Variants in BCKDHB observed in about 807,000 individuals in gnomAD.
BCKDHB encodes 2-oxoisovalerate dehydrogenase subunit beta, mitochondrial.
A neutral mutation model predicts 48.5 loss-of-function variants in BCKDHB; 41 were observed. The observed-to-expected ratio is 0.85, with a 90% confidence interval of 0.66 to 1.10. BCKDHB has a LOEUF of 1.10. BCKDHB is among the 50% of genes least tolerant of loss of function. The probability of loss-of-function intolerance (pLI) is 0.00; values close to 1 mark genes in which losing one functional copy is unlikely to be tolerated. For missense variants in BCKDHB, 496 were observed against 494.2 expected (o/e 1.00, Z -0.03); for synonymous variants, 201 against 174.8 (o/e 1.15, Z -1.18).
At chr6:80,137,743 T>C (rs557680868) in intron 3 of BCKDHB, among the ~76,000 whole-genome samples, 1 of 152,050 alleles carries the variant, frequency 6.6e-6, no homozygotes, top group South Asian at 2.1e-4. Context: ...CTGCTAAACA[T>C]GCACAGGGCA....
intron 8 of BCKDHB, among the ~76,000 whole-genome samples, chr6:80,226,744 C>T (rs1362202477): frequency 6.6e-6 from 1 of 152,134 alleles, no homozygotes; most frequent in Non-Finnish European, 1.5e-5. Flanking sequence ...CTGCAGCAGG[C>T]GCCTGCCTTC....
In BCKDHB at chr6:80,127,105, C is replaced by T. The variant is rs550823448; in HGVS notation, c.197-442C>T. On this transcript the variant is annotated intron_variant, in intron 1 of 9. Transcript: ENST00000320393. Reference sequence around the variant, plus strand: ...TCCGGGTACCAAAGTTTATCTTTACCCTTCCTTATTGTTTTATGGTCCATG... The same window carrying T: ...TCCGGGTACCAAAGTTTATCTTTACTCTTCCTTATTGTTTTATGGTCCATG... Among the ~76,000 whole-genome samples, 3 of 152,126 alleles carry T rather than the reference C, an allele frequency of 2.0e-5. No homozygotes were observed. The East Asian group carries it at 5.8e-4, about 29-fold the overall frequency.
the BCKDHB span, among the ~76,000 whole-genome samples, chr6:80,435,498 T>A: frequency 6.6e-6 from 1 of 152,330 alleles, no homozygotes; most frequent in East Asian, 1.9e-4. Flanking sequence ...TGCAACATTC[T>A]AGTCTTAGTT....
In BCKDHB at chr6:80,211,301, G is replaced by A. The variant is rs1009952756; in HGVS notation, c.951+8089G>A. The stretch of plus-strand genomic sequence containing the variant: ...TAAGAATTTGCCTTTATACCGTACA[G>A]TCTTTTTAATTTATCTTTTTCTGGT... On this transcript the variant is annotated intron_variant, in intron 8 of 9. Coordinates refer to ENST00000320393, the MANE Select transcript of BCKDHB (RefSeq NM_183050.4). 3.9e-5 allele frequency among the ~76,000 whole-genome samples: 6 copies of A among 152,138 alleles called. 1 individual carries two copies. The highest frequency in any genetic ancestry group is 3.9e-4 in the Admixed American group (6 of 15,272).
rs138689030 is a variant in BCKDHB at position 80,221,638 on chromosome 6, T to G, written c.951+18426T>G. 1.0e-3 allele frequency among the ~76,000 whole-genome samples: 156 copies of G among 152,306 alleles called. 2 individuals are homozygous for G. In the East Asian group the frequency reaches 0.023, roughly 22 times the overall value. On this transcript the variant is annotated intron_variant, in intron 8 of 9. Transcript: ENST00000320393. ...CTATATTCTTATTTTTTCTCATTTG[T>G]CTAGAACGACTGAATGATGATGAAT... is the stretch of plus-strand genomic sequence containing the variant.
rs959261494 is a variant in BCKDHB, at chr6:80,201,173, T to C, written c.840+142T>C. ...GGTGCTACTGATGCTAATTTCTTTT[T>C]TCCCTCAACTTTATTGGTGTGTAAT... is the stretch of plus-strand genomic sequence containing the variant. On this transcript the variant is annotated intron_variant, in intron 7 of 9. Transcript: ENST00000320393. 3 of 732,202 alleles carry C rather than the reference T, an allele frequency of 4.1e-6. No homozygotes were observed. In the African/African-American group the frequency reaches 5.2e-5, roughly 13 times the overall value. 45.4% of individuals were successfully genotyped at this position (732,202 alleles called of 1,614,324 possible). A position where few individuals can be genotyped will look rare whatever the true frequency, so the allele number is the denominator to read the frequency against.
chr6:80,108,101 AGT>A (rs1769220148), intron 1 of BCKDHB, among the ~76,000 whole-genome samples: 1 of 152,194 alleles, frequency 6.6e-6, no homozygotes, highest in Non-Finnish European at 1.5e-5. Flanking sequence ...CCCATTTTGC[AGT>A]TAGGTTAATG....
chr6:80,252,031 G>A (rs585506), intron 8 of BCKDHB, among the ~76,000 whole-genome samples: 137,912 of 152,252 alleles, frequency 0.91, 62,524 homozygotes, highest in East Asian at 0.99. Flanking sequence ...GCATTACGTT[G>A]AGAGCTTTGT....
At chr6:80,109,928 G>A (rs1769325398) in intron 1 of BCKDHB, among the ~76,000 whole-genome samples, 1 of 152,170 alleles carries the variant, frequency 6.6e-6, no homozygotes, top group African/African-American at 2.4e-5. Flanking sequence ...GAATCCTGAT[G>A]TGTCTTACTC....
chr6:80,170,321 A>C (rs967907167), intron 5 of BCKDHB, among the ~76,000 whole-genome samples: 1 of 152,186 alleles, frequency 6.6e-6, no homozygotes, highest in Non-Finnish European at 1.5e-5. Context: ...AGGGAATCTT[A>C]AGTCTTTGTG....
the BCKDHB span, among the ~76,000 whole-genome samples, chr6:80,386,923 G>A: frequency 6.6e-6 from 1 of 152,036 alleles, no homozygotes; most frequent in Non-Finnish European, 1.5e-5. Context: ...TGGGAGGAGG[G>A]GTCCACTAAA....
At chr6:80,433,478 C>T in the BCKDHB span, among the ~76,000 whole-genome samples, 25 of 152,260 alleles carry the variant, frequency 1.6e-4, 1 homozygote, top group African/African-American at 4.8e-4. Context: ...ACCGCCTACT[C>T]GAGCCTCATC....
chr6:80,465,013 G>A, the BCKDHB span, among the ~76,000 whole-genome samples: 2 of 152,194 alleles, frequency 1.3e-5, no homozygotes, highest in South Asian at 2.1e-4. Flanking sequence ...AGGAAATTGA[G>A]CTGCCCAGGT....
At chr6:80,279,577 C>T (rs1562198681) in intron 9 of BCKDHB, among the ~76,000 whole-genome samples, 2 of 151,890 alleles carry the variant, frequency 1.3e-5, no homozygotes, top group African/African-American at 2.4e-5. Context: ...AATGGATCCT[C>T]ATTGGGTCTA....
intron 3 of BCKDHB, among the ~76,000 whole-genome samples, chr6:80,136,069 T>G (rs1384753910): frequency 6.6e-6 from 1 of 152,234 alleles, no homozygotes; most frequent in Non-Finnish European, 1.5e-5. Flanking sequence ...ATTCATTTGT[T>G]GATGGATGTT....
chr6:80,242,041 C>G (rs527459699), intron 8 of BCKDHB, among the ~76,000 whole-genome samples: 1 of 152,102 alleles, frequency 6.6e-6, no homozygotes, highest in Admixed American at 6.6e-5. Flanking sequence ...TTTTGATGCA[C>G]GGAAGTTTTA....
At chr6:80,368,482 A>C in the BCKDHB span, among the ~76,000 whole-genome samples, 7 of 152,228 alleles carry the variant, frequency 4.6e-5, no homozygotes, top group African/African-American at 1.7e-4. Context: ...TATTCTTATA[A>C]TACAGCTTCA....
chr6:80,298,849 G>C (rs1767403654), intron 9 of BCKDHB, among the ~76,000 whole-genome samples: 1 of 152,188 alleles, frequency 6.6e-6, no homozygotes, highest in Non-Finnish European at 1.5e-5. Flanking sequence ...TCAGTCTGCT[G>C]TTTGTTGGTC....
intron 9 of BCKDHB, among the ~76,000 whole-genome samples, chr6:80,321,737 CTAAT>C (rs1554212814): frequency 6.6e-6 from 1 of 152,134 alleles, no homozygotes; most frequent in Non-Finnish European, 1.5e-5. Flanking sequence ...AAACTAATGT[CTAAT>C]ATCCTTGGGA....
Sources: allele counts gnomAD v4.1 joint callset (sites outside exome capture counted in the v4.1 genomes callset), GRCh38; gene constraint gnomAD v4.1.1; transcripts MANE v1.5; gene names NCBI Gene and HGNC (gene_info 2026-07-23, HGNC 2026-07-21).